PPP1R9A: variants seen among roughly 807,000 people sequenced by gnomAD.
The protein encoded by PPP1R9A is neurabin-1.
A neutral mutation model predicts 141.9 loss-of-function variants in PPP1R9A; 59 were observed. The observed-to-expected ratio is 0.42, with a 90% CI of 0.34 to 0.52. The LOEUF is 0.52. Among genes scored for constraint, PPP1R9A ranks in the 20% least tolerant of loss-of-function variants. PPP1R9A has a pLI of 0.10. For synonymous variants in PPP1R9A, 500 were observed against 569.7 expected (o/e 0.88, Z 1.74); for missense variants, 1,444 against 1,611.9 (o/e 0.90, Z 1.78).
At chr7:94,938,984 G>A (rs1404782933) in intron 2 of PPP1R9A, among the ~76,000 whole-genome samples, 1 of 152,048 alleles carries the variant, frequency 6.6e-6, no homozygotes, top group Non-Finnish European at 1.5e-5. Context: ...TTGTGGAAGA[G>A]GATGAATTTT....
rs201536756 is a variant in PPP1R9A at position 95,105,222 on chromosome 7, TG to T, written c.1396-6036del. ...TTTTTTCTTATTGTTGAAAATGTAT[TG>T]CTGCTGTTTTGAAAAAGTGTTGTGG... On this transcript the variant is annotated intron_variant, in intron 2 of 19. Transcript: ENST00000433360. 3.9e-3 allele frequency among the ~76,000 whole-genome samples: 601 copies of T among 152,348 alleles called. 22 individuals carry two copies. The highest frequency in any genetic ancestry group is 0.037 in the East Asian group (193 of 5,194).
chr7:95,280,069 C>T (rs1274225744), intron 16 of PPP1R9A, among the ~76,000 whole-genome samples: 1 of 151,984 alleles, frequency 6.6e-6, no homozygotes, highest in African/African-American at 2.4e-5. Flanking sequence ...GAGTAGGGGG[C>T]GGGGGTTGGC....
At chr7:95,215,469 T>TC (rs1436618799) in intron 7 of PPP1R9A, among the ~76,000 whole-genome samples, 1 of 152,142 alleles carries the variant, frequency 6.6e-6, no homozygotes, top group Non-Finnish European at 1.5e-5. Context: ...TGATTTATAA[T>TC]CCTTTGGGTA....
chr7:95,242,625 T>C (rs1797611629), intron 8 of PPP1R9A, among the ~76,000 whole-genome samples: 1 of 152,150 alleles, frequency 6.6e-6, no homozygotes, highest in African/African-American at 2.4e-5. Flanking sequence ...CAGGTACACC[T>C]TCAGAATGTT....
intron 2 of PPP1R9A, among the ~76,000 whole-genome samples, chr7:94,924,705 T>C (rs1343807576): frequency 6.6e-6 from 1 of 152,138 alleles, no homozygotes; most frequent in Non-Finnish European, 1.5e-5. Flanking sequence ...AATTTTTCTT[T>C]TTTTCGTAGA....
At chr7:95,238,788 T>C (rs534155501) in intron 8 of PPP1R9A, among the ~76,000 whole-genome samples, 96 of 152,292 alleles carry the variant, frequency 6.3e-4, no homozygotes, top group African/African-American at 2.1e-3. Flanking sequence ...TTGAAACCAA[T>C]GCTGAATTTA....
intron 2 of PPP1R9A, among the ~76,000 whole-genome samples, chr7:94,921,152 G>C (rs985245573): frequency 2.0e-5 from 3 of 152,058 alleles, no homozygotes; most frequent in Non-Finnish European, 4.4e-5. Context: ...TAGTTTTTAA[G>C]ATCTGTTTTT....
At chr7:95,138,459 A>G (rs115455138) in intron 4 of PPP1R9A, among the ~76,000 whole-genome samples, 1,589 of 152,334 alleles carry the variant, frequency 0.01, 25 homozygotes, top group African/African-American at 0.037. Flanking sequence ...TTATAAAATC[A>G]TATTAAACAA....
chr7:95,211,773 G>T (rs1792185513), intron 7 of PPP1R9A, among the ~76,000 whole-genome samples: 1 of 152,086 alleles, frequency 6.6e-6, no homozygotes, highest in African/African-American at 2.4e-5. Flanking sequence ...AATAACTTGA[G>T]GCCAGGAGTT....
intron 2 of PPP1R9A, among the ~76,000 whole-genome samples, chr7:95,096,885 T>C (rs1483572618): frequency 6.6e-6 from 1 of 152,150 alleles, no homozygotes; most frequent in Admixed American, 6.6e-5. Context: ...GCTGAAGTCT[T>C]TGCTTTCGGG....
At position 95,292,375 on chromosome 7, in the gene PPP1R9A, A is replaced by G. The variant is rs1806489254; in HGVS notation, c.*2072A>G. The G allele has an allele frequency of 1.3e-5, 2 of 152,614 alleles. No homozygotes were observed. The highest frequency in any genetic ancestry group is 2.4e-5 in the African/African-American group (1 of 41,436). 9.5% of individuals were successfully genotyped at this position (152,614 alleles called of 1,614,324 possible). A position where few individuals can be genotyped will look rare whatever the true frequency, so the allele number is the denominator to read the frequency against. On this transcript the variant is annotated 3_prime_UTR_variant, in exon 20 of 20. Transcript: ENST00000433360. The stretch of plus-strand genomic sequence containing the variant: ...TTTGCCATTTTTGCTTATCTTTGGG[A>G]AAAAAGTGACCTGGATCACACTGGA...
chr7:95,196,986 G>A (rs996628860), intron 5 of PPP1R9A, among the ~76,000 whole-genome samples: 3 of 151,948 alleles, frequency 2.0e-5, no homozygotes, highest in South Asian at 2.1e-4. Context: ...TAACACAAAA[G>A]ATAAGTGAAC....
chr7:95,208,796 T>C (rs1791418602), intron 7 of PPP1R9A, among the ~76,000 whole-genome samples: 1 of 151,964 alleles, frequency 6.6e-6, no homozygotes. Flanking sequence ...CATTAAAACT[T>C]AACTTCTGTT....
At chr7:95,006,457 T>G (rs1252135545) in intron 2 of PPP1R9A, among the ~76,000 whole-genome samples, 1 of 151,970 alleles carries the variant, frequency 6.6e-6, no homozygotes, top group African/African-American at 2.4e-5. Context: ...GTGATTCACC[T>G]GCCTCAGCCT....
intron 4 of PPP1R9A, among the ~76,000 whole-genome samples, chr7:95,148,207 G>A (rs898809589): frequency 2.0e-5 from 3 of 152,018 alleles, no homozygotes; most frequent in Non-Finnish European, 2.9e-5. Context: ...ATAAAAATTA[G>A]GGCAGAATTC....
In PPP1R9A at chr7:95,110,326, T is replaced by C. The variant is rs2152439517; in HGVS notation, c.1396-933T>C. The stretch of plus-strand genomic sequence containing the variant: ...CTTCTGTTTCTACTGCATCTTTTTA[T>C]AAATATTATTTTAAAATCTAATCCT... On this transcript the variant is annotated intron_variant, in intron 2 of 19. Transcript: ENST00000433360. Among the ~76,000 whole-genome samples the C allele has an allele frequency of 2.0e-5, 3 of 152,314 alleles. No individual in the cohort carries two copies. In the South Asian group the frequency reaches 6.2e-4, roughly 32 times the overall value.
At chr7:95,174,395 A>G (rs373514699) in intron 5 of PPP1R9A, among the ~76,000 whole-genome samples, 1 of 152,104 alleles carries the variant, frequency 6.6e-6, no homozygotes, top group Non-Finnish European at 1.5e-5. Flanking sequence ...AGGAAGGACC[A>G]TTTCTGAGGT....
rs555847199 is a variant in PPP1R9A at position 95,136,088 on chromosome 7, G to A, written c.1649+15256G>A. Among the ~76,000 whole-genome samples, 6 of 152,046 alleles carry A rather than the reference G, an allele frequency of 3.9e-5. No homozygotes were observed. In the East Asian group the frequency reaches 9.6e-4, roughly 24 times the overall value. On this transcript the variant is annotated intron_variant, in intron 4 of 19. Transcript: ENST00000433360. Reference sequence around the variant, plus strand: ...GCCATTTGTAGTCATTTGTCACTCAGAAACATTGATGATTATTGCTATCAA... The same window carrying A: ...GCCATTTGTAGTCATTTGTCACTCAAAAACATTGATGATTATTGCTATCAA...
At chr7:94,980,102 T>A (rs915996970) in intron 2 of PPP1R9A, among the ~76,000 whole-genome samples, 6 of 151,090 alleles carry the variant, frequency 4.0e-5, no homozygotes, top group African/African-American at 1.5e-4. Flanking sequence ...GGGTGTCCAA[T>A]CTTTTGGCTT....
Sources: allele counts gnomAD v4.1 joint callset (sites outside exome capture counted in the v4.1 genomes callset), GRCh38; gene constraint gnomAD v4.1.1; transcripts MANE v1.5; gene names NCBI Gene and HGNC (gene_info 2026-07-23, HGNC 2026-07-21).